Variants in ABHD2 observed in about 807,000 individuals in gnomAD.
The protein encoded by ABHD2 is monoacylglycerol lipase ABHD2.
ABHD2 carries 20 observed loss-of-function variants against 48.1 expected under a neutral mutation model. The observed-to-expected ratio is 0.42, with a 90% CI of 0.29 to 0.60. ABHD2 has a LOEUF of 0.60. Among genes scored for constraint, ABHD2 ranks in the 20% least tolerant of loss-of-function variants. The pLI is 0.24. For missense variants in ABHD2, 405 were observed against 550.9 expected (o/e 0.74, Z 2.65); for synonymous variants, 209 against 214.2 (o/e 0.98, Z 0.21).
chr15:89,078,459 T>C, the ABHD2 span, among the ~76,000 whole-genome samples: 8 of 152,226 alleles, frequency 5.3e-5, no homozygotes, highest in Admixed American at 3.3e-4. Context: ...CCTAAACAGA[T>C]CGTTGCATTT....
chr15:89,066,373 C>T, the ABHD2 span, among the ~76,000 whole-genome samples: 1 of 152,110 alleles, frequency 6.6e-6, no homozygotes, highest in Admixed American at 6.5e-5. Flanking sequence ...GGCCCTCTTC[C>T]CTGTGTATCT....
chr15:89,201,346 G>A lies in ABHD2; in HGVS notation c.*5923G>A, dbSNP rs1212533298. The A allele has an allele frequency of 1.9e-6, 2 of 1,027,308 alleles. No homozygotes were observed. Among genetic ancestry groups the A allele is most frequent in the East Asian group, 4.7e-5 (2 of 42,248 alleles). The allele number at this position is 1,027,308 out of a possible 1,614,324, so 63.6% of individuals were successfully genotyped here. A position where few individuals can be genotyped will look rare whatever the true frequency, so the allele number is the denominator to read the frequency against. On this transcript the variant is annotated 3_prime_UTR_variant, in exon 11 of 11. Transcript: ENST00000352732. ...GTGAAGCACTGTGTGGTTGTGGCGT[G>A]GGCCCGTCTTGCTTAGATGCATTCA...
At position 89,176,566 on chromosome 15, in the gene ABHD2, A is replaced by C. The variant is rs144375251; in HGVS notation, c.722+571A>C. Among the ~76,000 whole-genome samples the C allele has an allele frequency of 3.9e-5, 6 of 152,154 alleles. No homozygotes were observed. The highest frequency in any genetic ancestry group is 5.9e-5 in the Non-Finnish European group (4 of 68,012). ...CCACCCCTTAGTCTCTTGCCAGTAGATGCCCCACAGGATGAGTCCCAGGAG... is the reference window on the plus strand; with the variant it reads ...CCACCCCTTAGTCTCTTGCCAGTAGCTGCCCCACAGGATGAGTCCCAGGAG... On this transcript the variant is annotated intron_variant, in intron 6 of 10. Transcript: ENST00000352732. This position sits in a 1 kb window ranked among gnomAD's most constrained non-coding sequence, Gnocchi z 4.5.
chr15:89,060,252 G>A, the ABHD2 span, among the ~76,000 whole-genome samples: 2 of 151,470 alleles, frequency 1.3e-5, no homozygotes, highest in Non-Finnish European at 1.5e-5. Flanking sequence ...AACCATGCCC[G>A]GCTAATTTTT....
At chr15:89,145,276 C>CA (rs1422175273) in intron 3 of ABHD2, among the ~76,000 whole-genome samples, 2 of 151,886 alleles carry the variant, frequency 1.3e-5, no homozygotes, top group Non-Finnish European at 2.9e-5. Context: ...CAAAACAAAA[C>CA]AAAAAAACAC....
At chr15:89,135,530 C>T in intron 3 of ABHD2, 1 of 1,317,058 alleles carries the variant, frequency 7.6e-7, no homozygotes, top group South Asian at 1.2e-5. Context: ...AAAAAAACTA[C>T]ACTAGAACCA....
At chr15:89,089,292 C>T (rs947668208) in intron 1 of ABHD2, among the ~76,000 whole-genome samples, 3 of 152,218 alleles carry the variant, frequency 2.0e-5, no homozygotes, top group Non-Finnish European at 4.4e-5. Flanking sequence ...GCCTTCTCTA[C>T]CCACAAATGC....
At chr15:89,138,644 G>A (rs1256205988) in intron 3 of ABHD2, among the ~76,000 whole-genome samples, 1 of 152,174 alleles carries the variant, frequency 6.6e-6, no homozygotes, top group African/African-American at 2.4e-5. Flanking sequence ...TCAAAGACCT[G>A]TGAAGACCAC....
At chr15:89,078,299 T>C in the ABHD2 span, among the ~76,000 whole-genome samples, 1 of 152,174 alleles carries the variant, frequency 6.6e-6, no homozygotes, top group Non-Finnish European at 1.5e-5. Flanking sequence ...TCCAGATTAA[T>C]TGGACTAAAA....
At position 89,167,196 on chromosome 15, in the gene ABHD2, A is replaced by G. The variant is rs1190513313; in HGVS notation, c.539-8616A>G. On this transcript the variant is annotated intron_variant, in intron 5 of 10. Coordinates refer to ENST00000352732, the MANE Select transcript of ABHD2 (RefSeq NM_152924.5). The surrounding 1 kb of genome is among the most constrained non-coding windows in gnomAD (Gnocchi z 5.5). Reference sequence around the variant, plus strand: ...TTAATATCTTACAATCTTCTATTAGATCATAAACATAGGTGTTTCGATAAG... The same window carrying G: ...TTAATATCTTACAATCTTCTATTAGGTCATAAACATAGGTGTTTCGATAAG... 6.6e-6 allele frequency among the ~76,000 whole-genome samples: 1 copy of G among 152,216 alleles called. No individual in the cohort carries two copies. The highest frequency in any genetic ancestry group is 2.4e-5 in the African/African-American group (1 of 41,448).
rs1047493979 is a variant in ABHD2, at chr15:89,137,251, T to C, written c.195-14426T>C. Reference sequence around the variant, plus strand: ...AGAGAGGACTGTGCTTTGGTGTGCCTAGGGAGGATGTGACCAGTTCCGCGT... The same window carrying C: ...AGAGAGGACTGTGCTTTGGTGTGCCCAGGGAGGATGTGACCAGTTCCGCGT... On this transcript the variant is annotated intron_variant, in intron 3 of 10. Transcript: ENST00000352732. This position sits in a 1 kb window ranked among gnomAD's most constrained non-coding sequence, Gnocchi z 4.8. Among the ~76,000 whole-genome samples the C allele has an allele frequency of 6.6e-6, 1 of 152,108 alleles. No homozygotes were observed. Among genetic ancestry groups the C allele is most frequent in the Non-Finnish European group, 1.5e-5 (1 of 68,004 alleles).
the ABHD2 span, among the ~76,000 whole-genome samples, chr15:89,053,258 A>G: frequency 4.6e-5 from 7 of 151,924 alleles, no homozygotes; most frequent in Admixed American, 2.6e-4. Flanking sequence ...GAGCCACCGT[A>G]CCCGGCCTGT....
chr15:89,051,058 C>T, the ABHD2 span, among the ~76,000 whole-genome samples: 1 of 152,168 alleles, frequency 6.6e-6, no homozygotes, highest in African/African-American at 2.4e-5. Flanking sequence ...CATGGCGAAA[C>T]CCCATCTCTA....
In ABHD2 at chr15:89,104,765, C is replaced by T. The variant is rs1367609052; in HGVS notation, c.-106-8960C>T. 6.6e-6 allele frequency among the ~76,000 whole-genome samples: 1 copy of T among 152,178 alleles called. No individual in the cohort carries two copies. The highest frequency in any genetic ancestry group is 1.9e-4 in the East Asian group (1 of 5,180). ...CCTCCCACCCCCATCTCCATTTCCTCCTTCTGGAAGCTTATTTCCAGACAT... is the reference window on the plus strand; with the variant it reads ...CCTCCCACCCCCATCTCCATTTCCTTCTTCTGGAAGCTTATTTCCAGACAT... On this transcript the variant is annotated intron_variant, in intron 1 of 10. Transcript: ENST00000352732. The surrounding 1 kb of genome is among the most constrained non-coding windows in gnomAD (Gnocchi z 4.4).
At chr15:89,133,288 C>G (rs1413385014) in intron 3 of ABHD2, among the ~76,000 whole-genome samples, 1 of 152,166 alleles carries the variant, frequency 6.6e-6, no homozygotes, top group Non-Finnish European at 1.5e-5. Context: ...TTTGTTTAAC[C>G]AGTCTCCTAG....
chr15:89,073,249 C>G, the ABHD2 span, among the ~76,000 whole-genome samples: 1 of 152,112 alleles, frequency 6.6e-6, no homozygotes, highest in African/African-American at 2.4e-5. Context: ...AAAAAGGGAC[C>G]TAGGTGTGAG....
chr15:89,201,739 C>T lies in ABHD2; in HGVS notation c.*6316C>T. On this transcript the variant is annotated 3_prime_UTR_variant, in exon 11 of 11. Coordinates refer to ENST00000352732, the MANE Select transcript of ABHD2 (RefSeq NM_152924.5). ...GTGAAGGGGCCTTTGAATTTGAGGT[C>T]TATGGGCGGGTCGAGGACCAGGATC... The T allele has an allele frequency of 6.3e-7, 1 of 1,582,366 alleles. No individual in the cohort carries two copies. Among genetic ancestry groups the T allele is most frequent in the Non-Finnish European group, 8.7e-7 (1 of 1,151,398 alleles).
intron 3 of ABHD2, among the ~76,000 whole-genome samples, chr15:89,133,647 T>C (rs888975318): frequency 5.9e-5 from 9 of 152,190 alleles, no homozygotes; most frequent in Non-Finnish European, 1.0e-4. Context: ...TTTATTTCCT[T>C]TTCTGTTCAC....
In ABHD2 at chr15:89,179,260, C is replaced by G. The variant is rs2051068025; in HGVS notation, c.722+3265C>G. ...AACTGCTGTTAGGAACCAGGCCGCACAGCAGGAGGTGAGCGGTGGGCAGGT... is the reference window on the plus strand; with the variant it reads ...AACTGCTGTTAGGAACCAGGCCGCAGAGCAGGAGGTGAGCGGTGGGCAGGT... On this transcript the variant is annotated intron_variant, in intron 6 of 10. Transcript: ENST00000352732. The surrounding 1 kb of genome is among the most constrained non-coding windows in gnomAD (Gnocchi z 4.3). Among the ~76,000 whole-genome samples the G allele has an allele frequency of 1.3e-5, 2 of 152,166 alleles. No homozygotes were observed. The highest frequency in any genetic ancestry group is 4.1e-4 in the South Asian group (2 of 4,824).
Sources: gnomAD v4.1 joint callset for allele counts (sites outside exome capture counted in the v4.1 genomes callset) on GRCh38, gnomAD v4.1.1 for gene constraint, Gnocchi (gnomAD v3.1) non-coding constraint, MANE v1.5 for transcripts, NCBI Gene and HGNC (gene_info 2026-07-23, HGNC 2026-07-21) for gene names.